DUSP13B: variants seen among roughly 807,000 people sequenced by gnomAD.
The protein encoded by DUSP13B is dual specificity phosphatase 13B.
chr10:75,105,894 C>A, the DUSP13B span: 1 of 1,540,842 alleles, frequency 6.5e-7, no homozygotes, highest in South Asian at 1.2e-5. Flanking sequence ...TGGTGAAAAA[C>A]CCTGTCCCAC....
chr10:75,098,313 C>G, the DUSP13B span, among the ~76,000 whole-genome samples: 1 of 152,190 alleles, frequency 6.6e-6, no homozygotes, highest in Non-Finnish European at 1.5e-5. Context: ...TCTCAAGCCC[C>G]CTCACCTGCT....
At chr10:75,099,455 G>C in the DUSP13B span, 17 of 1,232,438 alleles carry the variant, frequency 1.4e-5, no homozygotes, top group Non-Finnish European at 1.4e-5. Context: ...GGCCGGGAAT[G>C]GGGGAGTGGG....
the DUSP13B span, chr10:75,108,232 T>C: frequency 6.4e-7 from 1 of 1,574,500 alleles, no homozygotes; most frequent in Non-Finnish European, 8.6e-7. Flanking sequence ...GGAAGGGCAC[T>C]TGATGCCGGC....
chr10:75,097,089 G>A, the DUSP13B span, among the ~76,000 whole-genome samples: 34 of 152,194 alleles, frequency 2.2e-4, no homozygotes, highest in African/African-American at 8.0e-4. Context: ...TAACCACAGA[G>A]AATAGAAAAG....
At chr10:75,094,622 G>A in the DUSP13B span, 1 of 1,589,508 alleles carries the variant, frequency 6.3e-7, no homozygotes, top group Non-Finnish European at 8.6e-7. Context: ...GCTGTTCCCA[G>A]GGCCAGGCTG....
chr10:75,094,867 CCAG>C, the DUSP13B span: 1 of 1,614,076 alleles, frequency 6.2e-7, no homozygotes. Context: ...GCACAGTGTA[CCAG>C]CACGCGGCCT....
chr10:75,101,108 G>C, the DUSP13B span, among the ~76,000 whole-genome samples: 28 of 152,238 alleles, frequency 1.8e-4, no homozygotes, highest in Non-Finnish European at 3.2e-4. Flanking sequence ...GCCTGCAGAA[G>C]GGTGGCGTGT....
the DUSP13B span, among the ~76,000 whole-genome samples, chr10:75,098,103 C>G: frequency 7.2e-5 from 11 of 152,348 alleles, no homozygotes; most frequent in East Asian, 2.1e-3. Flanking sequence ...TGCTATGGAG[C>G]TGGGCAGACC....
At chr10:75,103,548 T>C in the DUSP13B span, among the ~76,000 whole-genome samples, 9 of 152,322 alleles carry the variant, frequency 5.9e-5, no homozygotes, top group East Asian at 5.8e-4. Context: ...GGACCTTCAA[T>C]TGGGCCTACT....
At chr10:75,103,180 TGGA>T in the DUSP13B span, among the ~76,000 whole-genome samples, 14 of 152,168 alleles carry the variant, frequency 9.2e-5, no homozygotes, top group Non-Finnish European at 4.4e-5. Flanking sequence ...GGATGTTCTG[TGGA>T]GGAGGACAGT....
the DUSP13B span, chr10:75,109,068 T>C: frequency 2.5e-6 from 4 of 1,612,476 alleles, no homozygotes; most frequent in East Asian, 9.0e-5. Context: ...AAGACTTCCC[T>C]GCCCGCAGGA....
At chr10:75,096,679 T>C in the DUSP13B span, among the ~76,000 whole-genome samples, 1 of 152,044 alleles carries the variant, frequency 6.6e-6, no homozygotes, top group African/African-American at 2.4e-5. Flanking sequence ...GCCTAGGAAT[T>C]TGAGGTTGCA....
chr10:75,102,557 C>T, the DUSP13B span, among the ~76,000 whole-genome samples: 10 of 152,298 alleles, frequency 6.6e-5, no homozygotes, highest in East Asian at 9.6e-4. Flanking sequence ...CCTATAATCC[C>T]GACACTTTGG....
chr10:75,108,353 T>C, the DUSP13B span: 1 of 1,395,190 alleles, frequency 7.2e-7, no homozygotes, highest in Non-Finnish European at 9.4e-7. Flanking sequence ...GGGGTCTGAC[T>C]CCACAGCCCT....
chr10:75,106,032 G>A, the DUSP13B span, among the ~76,000 whole-genome samples: 2 of 152,076 alleles, frequency 1.3e-5, no homozygotes, highest in African/African-American at 4.8e-5. Flanking sequence ...CGGTAAAATG[G>A]GTAGATCAAC....
the DUSP13B span, chr10:75,105,928 G>C: frequency 6.7e-7 from 1 of 1,489,708 alleles, no homozygotes; most frequent in Non-Finnish European, 9.1e-7. Flanking sequence ...CACGGGCTGG[G>C]ATGGGGACCC....
chr10:75,105,388 T>C, the DUSP13B span, among the ~76,000 whole-genome samples: 1 of 152,108 alleles, frequency 6.6e-6, no homozygotes, highest in Non-Finnish European at 1.5e-5. Context: ...CCTTCTCTTC[T>C]CTTTGGGGTC....
At chr10:75,105,557 C>T in the DUSP13B span, 1 of 1,155,202 alleles carries the variant, frequency 8.7e-7, no homozygotes, top group Non-Finnish European at 1.2e-6. Context: ...CACACACAGC[C>T]CTGCCAACCA....
chr10:75,108,101 G>A, the DUSP13B span: 2 of 1,613,740 alleles, frequency 1.2e-6, no homozygotes, highest in Admixed American at 1.7e-5. Flanking sequence ...AGCTCACACT[G>A]CTGCCGTAGA....
Sources: allele counts gnomAD v4.1 joint callset (sites outside exome capture counted in the v4.1 genomes callset), GRCh38; gene constraint gnomAD v4.1.1; transcripts MANE v1.5; gene names NCBI Gene and HGNC (gene_info 2026-07-23, HGNC 2026-07-21).